Variants in NIT2 observed in about 807,000 individuals in gnomAD.
NIT2 encodes nitrilase family member 2.
In NIT2, 46 loss-of-function variants were observed where a neutral mutation model predicts 42.7. The observed-to-expected ratio is 1.08, with a 90% CI of 0.85 to 1.38. The LOEUF (loss-of-function observed/expected upper bound fraction) is 1.38. NIT2 is among the 40% of genes most tolerant of loss of function. The pLI is 0.00. For synonymous variants in NIT2, 123 were observed against 121.9 expected, an observed-to-expected ratio of 1.01 and a Z score of -0.06; for missense variants, 309 against 342.5, an observed-to-expected ratio of 0.90 and a Z score of 0.77.
chr3:100,345,912 A>T lies in NIT2; in HGVS notation c.430+234A>T, dbSNP rs1376916770. The T allele has an allele frequency of 5.0e-6, 3 of 596,134 alleles. No homozygotes were observed. In the Admixed American group the frequency reaches 8.9e-5, roughly 18 times the overall value. 36.9% of individuals were successfully genotyped at this position (596,134 alleles called of 1,614,324 possible). On this transcript the variant is annotated intron_variant, in intron 5 of 9. Transcript: ENST00000394140. ...CTTCCTGTTACGGCTTCCAGAGTATACCTATTAGGCTACAGTTGAGTACCT... is the reference window on the plus strand; with the variant it reads ...CTTCCTGTTACGGCTTCCAGAGTATTCCTATTAGGCTACAGTTGAGTACCT...
chr3:100,347,817 C>A (rs925577920), intron 6 of NIT2, among the ~76,000 whole-genome samples: 1 of 151,940 alleles, frequency 6.6e-6, no homozygotes. Flanking sequence ...GTGAAAAGTA[C>A]ACACTCAAAA....
intron 5 of NIT2, 23 bp from the exon 6 acceptor site, chr3:100,346,158 G>A (rs771572266): frequency 6.2e-6 from 10 of 1,608,156 alleles, no homozygotes; most frequent in African/African-American, 1.3e-5. Context: ...CTTTTCATTT[G>A]TGCATTTTCT....
chr3:100,340,218 C>T (rs900316396), intron 3 of NIT2, among the ~76,000 whole-genome samples: 3 of 152,118 alleles, frequency 2.0e-5, no homozygotes, highest in East Asian at 1.9e-4. Flanking sequence ...GTGTGCGCCA[C>T]CATGCCTGGC....
rs752203003 is a variant in NIT2, at chr3:100,339,957, A to T, written c.247+22A>T. 9 of 1,604,416 alleles carry T rather than the reference A, an allele frequency of 5.6e-6. No individual in the cohort carries two copies. In the East Asian group the frequency reaches 2.0e-4, roughly 36 times the overall value. On this transcript the variant is annotated intron_variant, in intron 3 of 9. Coordinates refer to ENST00000394140, the MANE Select transcript of NIT2 (RefSeq NM_020202.5). ...GGAGGTAACTTCCTACCCACAAGGT[A>T]TAATGACCTAAACATTAGAAACATC...
At chr3:100,352,524 T>A (rs1192170874) in intron 8 of NIT2, 22 bp downstream of exon 8, 2 of 1,590,072 alleles carry the variant, frequency 1.3e-6, no homozygotes, top group Non-Finnish European at 1.7e-6. Context: ...TAAGTGAGAA[T>A]AGGCTCAGTC....
At chr3:100,337,928 C>T (rs143257219) in intron 1 of NIT2, among the ~76,000 whole-genome samples, 335 of 152,124 alleles carry the variant, frequency 2.2e-3, no homozygotes, top group Non-Finnish European at 4.1e-3. Context: ...AAAATTAGCC[C>T]GGCATGGTGG....
At chr3:100,348,625 G>A (rs1008187979) in intron 6 of NIT2, among the ~76,000 whole-genome samples, 178 bp from the exon 7 acceptor site, 6 of 152,254 alleles carry the variant, frequency 3.9e-5, no homozygotes, top group Admixed American at 1.3e-4. Context: ...TTACGTGTTC[G>A]TATTAAAGGA....
intron 4 of NIT2, 31 bp downstream of exon 4, chr3:100,341,192 T>G: frequency 6.6e-7 from 1 of 1,512,632 alleles, no homozygotes; most frequent in South Asian, 1.1e-5. Context: ...AAGAATTTGT[T>G]ATCTCTAAGC....
intron 6 of NIT2, among the ~76,000 whole-genome samples, chr3:100,347,079 GTTTT>G (rs962624360): frequency 6.6e-6 from 1 of 150,960 alleles, no homozygotes; most frequent in Non-Finnish European, 1.5e-5. Context: ...AGATAAATTT[GTTTT>G]TTTTTGTTTG....
intron 7 of NIT2, among the ~76,000 whole-genome samples, chr3:100,350,576 G>T (rs1337152587): frequency 6.6e-6 from 1 of 152,170 alleles, no homozygotes; most frequent in Non-Finnish European, 1.5e-5. Context: ...TTTGTGTGGG[G>T]GCTGTCCTGT....
intron 1 of NIT2, among the ~76,000 whole-genome samples, 175 bp from the exon 2 acceptor site, chr3:100,338,912 G>T (rs1306166042): frequency 6.6e-6 from 1 of 152,122 alleles, no homozygotes; most frequent in Non-Finnish European, 1.5e-5. Context: ...AGTATCCTTG[G>T]TCTCTATTCA....
chr3:100,336,169 C>T lies in NIT2; in HGVS notation c.7+1371C>T, dbSNP rs143518784. 1.6e-4 allele frequency among the ~76,000 whole-genome samples: 25 copies of T among 152,302 alleles called. No individual in the cohort carries two copies. In the East Asian group the frequency reaches 4.8e-3, roughly 29 times the overall value. ...TCCTTTTAGTTAACCCTGAGCCAAA[C>T]AGGCCTTCATCAGAGGCCAGGGTTT... On this transcript the variant is annotated intron_variant, in intron 1 of 9. Transcript: ENST00000394140.
At chr3:100,345,375 G>T (rs574879927) in intron 4 of NIT2, among the ~76,000 whole-genome samples, 4 of 152,150 alleles carry the variant, frequency 2.6e-5, no homozygotes, top group African/African-American at 9.7e-5. Flanking sequence ...GGTTATAAAA[G>T]GTACAGTATC....
chr3:100,346,040 G>T, intron 5 of NIT2, 141 bp from the exon 6 acceptor site: 1 of 660,960 alleles, frequency 1.5e-6, no homozygotes, highest in Non-Finnish European at 2.7e-6. Flanking sequence ...GAATGAGCTT[G>T]TAAATTATCT....
In NIT2 at chr3:100,355,416, C is replaced by T. The variant is rs1706317187; in HGVS notation, c.*148C>T. The T allele has an allele frequency of 5.1e-6, 3 of 586,806 alleles. No individual in the cohort carries two copies. The highest frequency in any genetic ancestry group is 4.8e-5 in the South Asian group (2 of 41,876). 36.3% of individuals were successfully genotyped at this position (586,806 alleles called of 1,614,324 possible). ...ATTGAGATGAGAAAGCCTCATTATG[C>T]TGACATTTTCCACGCCACATTAAAT... is the stretch of plus-strand genomic sequence containing the variant. On this transcript the variant is annotated 3_prime_UTR_variant, in exon 10 of 10. Coordinates refer to ENST00000394140, the MANE Select transcript of NIT2 (RefSeq NM_020202.5).
chr3:100,353,924 C>T (rs1176578850), intron 8 of NIT2, among the ~76,000 whole-genome samples: 2 of 152,076 alleles, frequency 1.3e-5, no homozygotes, highest in Non-Finnish European at 1.5e-5. Context: ...TACAGGTGCA[C>T]ACCACCACGC....
chr3:100,352,956 C>T (rs900502722), intron 8 of NIT2, among the ~76,000 whole-genome samples: 4 of 152,208 alleles, frequency 2.6e-5, no homozygotes, highest in African/African-American at 9.6e-5. Context: ...AACTATGACC[C>T]TCTCCCCAAC....
Position 100,359,291 on chromosome 3 carries a change from C to T in NIT2, c.*4023C>T, listed in dbSNP as rs1416719134. 6.6e-6 allele frequency: 1 copy of T among 152,204 alleles called. No homozygotes were observed. The highest frequency in any genetic ancestry group is 1.5e-5 in the Non-Finnish European group (1 of 68,054). The allele number at this position is 152,204 out of a possible 1,614,324, so 9.4% of individuals were successfully genotyped here. A position where few individuals can be genotyped will look rare whatever the true frequency, so the allele number is the denominator to read the frequency against. On this transcript the variant is annotated 3_prime_UTR_variant, in exon 10 of 10. Transcript: ENST00000394140. The stretch of plus-strand genomic sequence containing the variant: ...GTCCAGTAATTCCAAATGTTGTCAT[C>T]CTAGCTCTTCCTGAAGCATATTGAA...
At chr3:100,339,726 C>G in intron 2 of NIT2, 89 bp from the exon 3 acceptor site, 1 of 1,306,078 alleles carries the variant, frequency 7.7e-7, no homozygotes, top group Non-Finnish European at 1.1e-6. Flanking sequence ...GAAAGCAGAG[C>G]TAGAAGCAGC....
Sources: allele counts gnomAD v4.1 joint callset (sites outside exome capture counted in the v4.1 genomes callset), GRCh38; gene constraint gnomAD v4.1.1; transcripts MANE v1.5; gene names NCBI Gene and HGNC (gene_info 2026-07-23, HGNC 2026-07-21).